The following FBXO38 variants were observed in gnomAD, a reference collection of about 807,000 sequenced individuals.
FBXO38 encodes F-box protein 38.
A neutral mutation model predicts 131.9 loss-of-function variants in FBXO38; 53 were observed. That is an observed-to-expected ratio of 0.40 (90% CI 0.32 to 0.51). The LOEUF (loss-of-function observed/expected upper bound fraction) is 0.51. FBXO38 is among the 20% of genes least tolerant of loss of function. The probability of loss-of-function intolerance (pLI) is 0.53; values close to 1 mark genes in which losing one functional copy is unlikely to be tolerated. For missense variants in FBXO38, 1,076 were observed against 1,475.6 expected, an observed-to-expected ratio of 0.73 and a Z score of 4.44; for synonymous variants, 452 against 505.6, an observed-to-expected ratio of 0.89 and a Z score of 1.42.
At chr5:148,420,023 C>G (rs1390169366) in intron 12 of FBXO38, among the ~76,000 whole-genome samples, 1 of 151,746 alleles carries the variant, frequency 6.6e-6, no homozygotes, top group African/African-American at 2.4e-5. Context: ...AGTCTTAGAA[C>G]TTAGAGTACT....
intron 12 of FBXO38, among the ~76,000 whole-genome samples, chr5:148,419,277 TAGATTCCAC>T (rs1336150766): frequency 6.6e-6 from 1 of 152,138 alleles, no homozygotes; most frequent in East Asian, 1.9e-4. Context: ...TAGAAAACAT[TAGATTCCAC>T]AGGTCACTCC....
intron 5 of FBXO38, among the ~76,000 whole-genome samples, chr5:148,403,466 C>T (rs936609980): frequency 2.6e-5 from 4 of 152,056 alleles, no homozygotes; most frequent in African/African-American, 9.7e-5. Flanking sequence ...ACCCTTCTTC[C>T]TTGGGTTTCC....
intron 21 of FBXO38, 31 bp downstream of exon 21, chr5:148,441,268 C>T: frequency 6.7e-7 from 1 of 1,496,882 alleles, no homozygotes; most frequent in Non-Finnish European, 9.3e-7. Flanking sequence ...CATCTATTCT[C>T]TAGTTTAAGT....
intron 12 of FBXO38, among the ~76,000 whole-genome samples, chr5:148,422,943 A>G (rs1196781708): frequency 6.7e-6 from 1 of 149,588 alleles, no homozygotes; most frequent in South Asian, 2.2e-4. Flanking sequence ...ATCACAACAC[A>G]GATAACTGGT....
chr5:148,415,878 T>C (rs946346287), intron 10 of FBXO38, 50 bp from the exon 11 acceptor site: 1 of 1,599,118 alleles, frequency 6.3e-7, no homozygotes, highest in Non-Finnish European at 8.6e-7. Flanking sequence ...TCATCAGTAA[T>C]GGGGAAAATG....
intron 12 of FBXO38, among the ~76,000 whole-genome samples, chr5:148,421,560 TAACATTTCA>T (rs1333682864): frequency 6.6e-6 from 1 of 152,138 alleles, no homozygotes; most frequent in Admixed American, 6.5e-5. Context: ...ACAGCTGAAA[TAACATTTCA>T]GCTAAACAAA....
chr5:148,398,031 T>A (rs1751906331), intron 2 of FBXO38, among the ~76,000 whole-genome samples: 1 of 152,036 alleles, frequency 6.6e-6, no homozygotes, highest in African/African-American at 2.4e-5. Context: ...CCTGGAGCCC[T>A]CCAGCTGGTG....
intron 2 of FBXO38, among the ~76,000 whole-genome samples, chr5:148,398,515 G>T (rs1257390183): frequency 6.6e-6 from 1 of 151,914 alleles, no homozygotes; most frequent in Non-Finnish European, 1.5e-5. Context: ...GGAGAAGATA[G>T]TAGAGTTTGC....
At chr5:148,426,194 T>A (rs1724383848) in intron 14 of FBXO38, among the ~76,000 whole-genome samples, 1 of 152,182 alleles carries the variant, frequency 6.6e-6, no homozygotes, top group Non-Finnish European at 1.5e-5. Flanking sequence ...CAAGAAACTG[T>A]ACTTCTCTCT....
In FBXO38 at chr5:148,441,082, A is replaced by G. The variant is rs147335343; in HGVS notation, c.3275-42A>G. 8.9e-4 allele frequency: 1,294 copies of G among 1,446,576 alleles called. 9 individuals are homozygous for G. In the African/African-American group the frequency reaches 0.015, roughly 16 times the overall value. The allele number at this position is 1,446,576 out of a possible 1,614,324, so 89.6% of individuals were successfully genotyped here. On this transcript the variant is annotated intron_variant, in intron 20 of 21. Coordinates refer to ENST00000340253, the MANE Select transcript of FBXO38 (RefSeq NM_205836.3). Reference sequence around the variant, plus strand: ...AAATACTGCAGAATTTGGCTCTGTCAGCACTCCCACGCCAGTTAGCAATGT... The same window carrying G: ...AAATACTGCAGAATTTGGCTCTGTCGGCACTCCCACGCCAGTTAGCAATGT...
intron 21 of FBXO38, 94 bp downstream of exon 21, chr5:148,441,331 A>G (rs965869630): frequency 2.3e-6 from 2 of 869,780 alleles, no homozygotes; most frequent in African/African-American, 1.7e-5. Flanking sequence ...GGAGCAGTGC[A>G]GTGTTAAATG....
intron 12 of FBXO38, among the ~76,000 whole-genome samples, chr5:148,417,847 A>C (rs1030234206): frequency 1.3e-5 from 2 of 152,170 alleles, no homozygotes; most frequent in Non-Finnish European, 2.9e-5. Flanking sequence ...CCAGTTTCCC[A>C]GTTGACGCTT....
chr5:148,436,636 A>C (rs553535351), intron 17 of FBXO38, among the ~76,000 whole-genome samples: 7 of 152,288 alleles, frequency 4.6e-5, no homozygotes, highest in Middle Eastern at 3.4e-3. Flanking sequence ...GTAGTAAACA[A>C]AGAAATCCCA....
intron 12 of FBXO38, among the ~76,000 whole-genome samples, chr5:148,420,126 GGT>G (rs1491401064): frequency 3.4e-5 from 5 of 146,034 alleles, no homozygotes; most frequent in African/African-American, 1.0e-4. Flanking sequence ...TTTTTTGTGG[GGT>G]TTTTTTTTTT....
intron 14 of FBXO38, among the ~76,000 whole-genome samples, chr5:148,426,187 G>T (rs1408142461): frequency 6.6e-6 from 1 of 152,124 alleles, no homozygotes; most frequent in Non-Finnish European, 1.5e-5. Context: ...GCCTCACCAA[G>T]AAACTGTACT....
chr5:148,433,370 A>T, intron 15 of FBXO38, 54 bp from the exon 16 acceptor site: 1 of 1,265,048 alleles, frequency 7.9e-7, no homozygotes, highest in Non-Finnish European at 1.1e-6. Context: ...AATGTGCTTG[A>T]GGGAAAGAAA....
rs541827123 is a variant in FBXO38, at chr5:148,417,804, A to G, written c.1618+600A>G. On this transcript the variant is annotated intron_variant, in intron 12 of 21. Transcript: ENST00000340253. ...CCATCCATCCTTCTGTTGATGAGTG[A>G]AGTGATGTGAGATTGTTTTGTTACC... 3.3e-5 allele frequency among the ~76,000 whole-genome samples: 5 copies of G among 152,278 alleles called. No homozygotes were observed. The South Asian group carries it at 1.0e-3, about 32-fold the overall frequency.
chr5:148,401,376 TC>T (rs1752140709), intron 3 of FBXO38, among the ~76,000 whole-genome samples: 1 of 152,150 alleles, frequency 6.6e-6, no homozygotes, highest in African/African-American at 2.4e-5. Context: ...TCACTCTGGT[TC>T]TCTTAGCTAA....
chr5:148,393,188 GGTGTGT>G (rs60593654), intron 1 of FBXO38, among the ~76,000 whole-genome samples: 2,072 of 127,052 alleles, frequency 0.016, 21 homozygotes, highest in Middle Eastern at 0.032. Context: ...ACAGAAGAGG[GGTGTGT>G]GTGTGTGTGT....
Sources: gnomAD v4.1 joint callset for allele counts (sites outside exome capture counted in the v4.1 genomes callset) on GRCh38, gnomAD v4.1.1 for gene constraint, MANE v1.5 for transcripts, NCBI Gene and HGNC (gene_info 2026-07-23, HGNC 2026-07-21) for gene names.